Variants in WDR70 observed in about 807,000 individuals in gnomAD.
WDR70 encodes WD repeat-containing protein 70.
In WDR70, 53 loss-of-function variants were observed where a neutral mutation model predicts 88.6. The ratio of observed to expected loss-of-function variants is 0.60; its 90% confidence interval spans 0.48 to 0.75. The LOEUF is 0.75. Ranked by LOEUF, WDR70 falls within the 30% of genes least tolerant of loss-of-function variation. WDR70 has a pLI of 0.00. For missense variants in WDR70, 610 were observed against 823.2 expected (o/e 0.74, Z 3.17); for synonymous variants, 280 against 270.0 (o/e 1.04, Z -0.36).
chr5:37,491,776 T>G (rs1046735654), intron 8 of WDR70, among the ~76,000 whole-genome samples: 2 of 152,214 alleles, frequency 1.3e-5, no homozygotes, highest in African/African-American at 2.4e-5. Flanking sequence ...ATAACTGTTC[T>G]GGGTTTATTT....
chr5:37,745,769 A>G (rs1470806978), intron 17 of WDR70, among the ~76,000 whole-genome samples: 2 of 152,206 alleles, frequency 1.3e-5, no homozygotes, highest in African/African-American at 2.4e-5. Flanking sequence ...GAGCACCCAC[A>G]TTCATAAAAC....
chr5:37,700,289 A>G (rs766098990), intron 11 of WDR70: 6 of 152,240 alleles, frequency 3.9e-5, no homozygotes, highest in African/African-American at 4.8e-5. Context: ...AATTCGTCCT[A>G]TAGAAATATT....
At chr5:37,395,495 A>G (rs1561836099) in intron 4 of WDR70, among the ~76,000 whole-genome samples, 1 of 152,158 alleles carries the variant, frequency 6.6e-6, no homozygotes, top group Non-Finnish European at 1.5e-5. Flanking sequence ...TCCCTTGGAC[A>G]CCCCTGGTTA....
intron 10 of WDR70, among the ~76,000 whole-genome samples, chr5:37,613,301 TGACAG>T (rs1744237197): frequency 6.6e-6 from 1 of 152,120 alleles, no homozygotes; most frequent in Admixed American, 6.5e-5. Flanking sequence ...CTCACTAAAG[TGACAG>T]GAAAGGCTCT....
At chr5:37,704,298 G>A (rs1346014427) in intron 13 of WDR70, among the ~76,000 whole-genome samples, 1 of 152,120 alleles carries the variant, frequency 6.6e-6, no homozygotes, top group Non-Finnish European at 1.5e-5. Flanking sequence ...ATTGTAATTG[G>A]TTGTTCCAGA....
chr5:37,712,280 C>T (rs1747536576), intron 13 of WDR70, among the ~76,000 whole-genome samples: 1 of 152,142 alleles, frequency 6.6e-6, no homozygotes, highest in African/African-American at 2.4e-5. Flanking sequence ...CGAGAGCCAC[C>T]GCACCCGGCC....
intron 8 of WDR70, among the ~76,000 whole-genome samples, chr5:37,497,540 C>T (rs1352482874): frequency 1.3e-5 from 2 of 150,158 alleles, no homozygotes; most frequent in Non-Finnish European, 3.0e-5. Flanking sequence ...TCTTCCCTTT[C>T]CTTTCCTTCC....
chr5:37,438,704 C>A (rs1750558657), intron 6 of WDR70, among the ~76,000 whole-genome samples: 1 of 151,832 alleles, frequency 6.6e-6, no homozygotes, highest in African/African-American at 2.4e-5. Context: ...TAGAGGTAGA[C>A]CCAGAAATGA....
chr5:37,552,050 G>A (rs968109376), intron 9 of WDR70, among the ~76,000 whole-genome samples: 2 of 151,968 alleles, frequency 1.3e-5, no homozygotes, highest in African/African-American at 4.8e-5. Context: ...GGTATTACAG[G>A]CATGAGCTAC....
chr5:37,678,456 G>C (rs984575023), intron 10 of WDR70, among the ~76,000 whole-genome samples: 1 of 151,946 alleles, frequency 6.6e-6, no homozygotes, highest in Non-Finnish European at 1.5e-5. Flanking sequence ...GCATTTGCTT[G>C]TCTGTAAAGG....
At chr5:37,412,555 C>A (rs758106294) in intron 5 of WDR70, among the ~76,000 whole-genome samples, 8 of 152,018 alleles carry the variant, frequency 5.3e-5, no homozygotes, top group Non-Finnish European at 8.8e-5. Context: ...CCCATTACTA[C>A]AGAAAATAGA....
At chr5:37,413,053 T>G (rs1749573223) in intron 5 of WDR70, among the ~76,000 whole-genome samples, 1 of 152,210 alleles carries the variant, frequency 6.6e-6, no homozygotes, top group Non-Finnish European at 1.5e-5. Context: ...CTATTTTAAC[T>G]TCAAAGTAGA....
chr5:37,684,810 C>A (rs1338728915), intron 10 of WDR70, among the ~76,000 whole-genome samples: 1 of 152,206 alleles, frequency 6.6e-6, no homozygotes, highest in Non-Finnish European at 1.5e-5. Context: ...AGCAGCAGTG[C>A]AGGGGGCTGG....
chr5:37,570,084 A>G (rs1347010695), intron 9 of WDR70, among the ~76,000 whole-genome samples: 1 of 152,170 alleles, frequency 6.6e-6, no homozygotes, highest in Non-Finnish European at 1.5e-5. Flanking sequence ...AGGGAGGCCA[A>G]TTAGGAGGGC....
At chr5:37,628,879 A>G (rs1377946144) in intron 10 of WDR70, among the ~76,000 whole-genome samples, 1 of 152,210 alleles carries the variant, frequency 6.6e-6, no homozygotes, top group African/African-American at 2.4e-5. Flanking sequence ...TTATAGTTAT[A>G]CATGTTTTCA....
At chr5:37,411,446 C>CT (rs1749521084) in intron 5 of WDR70, among the ~76,000 whole-genome samples, 1 of 151,230 alleles carries the variant, frequency 6.6e-6, no homozygotes, top group Non-Finnish European at 1.5e-5. Context: ...TTTTTTTTGG[C>CT]CAGATGCAGT....
intron 3 of WDR70, among the ~76,000 whole-genome samples, chr5:37,389,390 G>A (rs574991671): frequency 2.4e-4 from 37 of 151,328 alleles, no homozygotes; most frequent in Middle Eastern, 3.5e-3. Context: ...CATCACGCCC[G>A]GCTTCAGGCC....
intron 10 of WDR70, among the ~76,000 whole-genome samples, chr5:37,646,200 T>G (rs1046711631): frequency 2.0e-5 from 3 of 152,192 alleles, no homozygotes; most frequent in Middle Eastern, 3.4e-3. Flanking sequence ...TTATTTAAAC[T>G]GGTGGCAACT....
chr5:37,717,964 T>C (rs1319460602), intron 13 of WDR70, among the ~76,000 whole-genome samples: 6 of 152,232 alleles, frequency 3.9e-5, no homozygotes, highest in Admixed American at 3.9e-4. Flanking sequence ...TTAGGGTAAT[T>C]GAGCCTTAAG....
Sources: gnomAD v4.1 joint callset for allele counts (sites outside exome capture counted in the v4.1 genomes callset) on GRCh38, gnomAD v4.1.1 for gene constraint, MANE v1.5 for transcripts, NCBI Gene and HGNC (gene_info 2026-07-23, HGNC 2026-07-21) for gene names.